Variants in ARMC2 observed in about 807,000 individuals in gnomAD.
ARMC2 encodes the protein armadillo repeat containing 2, also known as armadillo repeat-containing protein 2.
A neutral mutation model predicts 90.3 loss-of-function variants in ARMC2; 67 were observed. The observed-to-expected ratio is 0.74, with a 90% CI of 0.61 to 0.91. The LOEUF is 0.91. ARMC2 is among the 40% of genes least tolerant of loss of function. ARMC2 has a pLI of 0.00. For synonymous variants in ARMC2, 393 were observed against 393.0 expected, an observed-to-expected ratio of 1.00 and a Z score of 0.00; for missense variants, 920 against 1,030.9, an observed-to-expected ratio of 0.89 and a Z score of 1.47.
At chr6:108,999,937 G>C in the ARMC2 span, 1 of 152,118 alleles carries the variant, frequency 6.6e-6, no homozygotes, top group Admixed American at 6.6e-5. Context: ...CTATACAATA[G>C]AGAATTATTC....
chr6:109,020,785 A>T, the ARMC2 span, among the ~76,000 whole-genome samples: 2 of 152,214 alleles, frequency 1.3e-5, no homozygotes, highest in East Asian at 3.9e-4. Context: ...ACAATAGTTA[A>T]CAGTTTTCTT....
chr6:108,910,975 C>A lies in ARMC2; in HGVS notation c.1100C>A (p.Ser367Tyr), dbSNP rs1357058858. The A allele has an allele frequency of 6.3e-7, 1 of 1,581,932 alleles. No homozygotes were observed. The highest frequency in any genetic ancestry group is 8.6e-7 in the Non-Finnish European group (1 of 1,163,468). Reference protein sequence around the residue: ...FKISRNEKNDSLIQNDSILES... With the variant: ...FKISRNEKNDYLIQNDSILES... ...ATTAGCAGGAATGAGAAGAATGATT[C>A]TTTGATTCAAAATGACAGCATTCTG... The change falls in exon 9 of 18, where the codon TCT becomes TAT. Residue 367 changes from serine (S) to tyrosine (Y), a missense_variant. Physicochemically the swap from Ser to Tyr is moderately radical, Grantham distance 144. Transcript: ENST00000392644.
In ARMC2 at chr6:108,899,757, C is replaced by T. The variant is rs1159929548; in HGVS notation, c.812C>T (p.Thr271Ile). ...EIEVDEVFWN[T>I]RIVPILRELE... The stretch of plus-strand genomic sequence containing the variant: ...GAAGTAGACGAAGTCTTTTGGAATA[C>T]AAGGATTGTACCGATTTTGCGTGAA... Residue 271 changes from threonine (T) to isoleucine (I), a missense_variant, in exon 7 of 18, where the codon ACA (threonine) becomes ATA (isoleucine). By Grantham distance (89) the Thr-to-Ile change is moderately conservative (BLOSUM62 -1). Transcript: ENST00000392644. The T allele has an allele frequency of 1.2e-6, 2 of 1,613,260 alleles. No individual in the cohort carries two copies. Among genetic ancestry groups the T allele is most frequent in the African/African-American group, 1.3e-5 (1 of 74,800 alleles).
chr6:108,992,772 A>G, the ARMC2 span: 4 of 1,496,638 alleles, frequency 2.7e-6, no homozygotes, highest in Non-Finnish European at 3.7e-6. Context: ...ATGTGCATAC[A>G]AGTTGCAATT....
At position 108,932,516 on chromosome 6, in the gene ARMC2, C is replaced by CTTTTTTTTTTTT. The variant is rs60000198; in HGVS notation, c.1496+4299_1496+4310dup. On this transcript the variant is annotated intron_variant, in intron 11 of 17. Coordinates refer to ENST00000392644, the MANE Select transcript of ARMC2 (RefSeq NM_032131.6). The stretch of plus-strand genomic sequence containing the variant: ...TAAACAGTGAGTCTTTTCTCCATTG[C>CTTTTTTTTTTTT]TTTTTTTTTTTTTTTTTTTTTTTTT... Among the ~76,000 whole-genome samples the CTTTTTTTTTTTT allele has an allele frequency of 2.6e-4, 20 of 77,908 alleles. 2 individuals are homozygous for CTTTTTTTTTTTT. The highest frequency in any genetic ancestry group is 2.0e-3 in the East Asian group (4 of 1,970). The allele number at this position is 77,908 out of a possible 152,430, so 51.1% of individuals were successfully genotyped here.
chr6:108,964,341 C>T (rs141243495), intron 16 of ARMC2, 29 bp downstream of exon 16: 2 of 1,604,612 alleles, frequency 1.2e-6, no homozygotes, highest in Non-Finnish European at 1.7e-6. Flanking sequence ...AGTACTGACT[C>T]TCTCAGGATT....
chr6:108,987,598 C>G, the ARMC2 span: 1 of 1,603,554 alleles, frequency 6.2e-7, no homozygotes, highest in Non-Finnish European at 8.5e-7. Flanking sequence ...CTGCTTGCAT[C>G]CTAGCTTCTA....
At chr6:109,017,411 A>G in the ARMC2 span, among the ~76,000 whole-genome samples, 19 of 152,064 alleles carry the variant, frequency 1.2e-4, no homozygotes, top group African/African-American at 4.6e-4. Flanking sequence ...TCAGCCTCCC[A>G]AGCAGCTGGG....
chr6:109,009,694 C>G, the ARMC2 span: 1 of 379,932 alleles, frequency 2.6e-6, no homozygotes, highest in African/African-American at 2.2e-5. Context: ...AGGCTGGGAA[C>G]TGGCGGTCTG....
At chr6:108,962,542 T>C (rs1778071587) in intron 15 of ARMC2, among the ~76,000 whole-genome samples, 1 of 152,230 alleles carries the variant, frequency 6.6e-6, no homozygotes, top group Non-Finnish European at 1.5e-5. Flanking sequence ...AAATGTTCTC[T>C]AGCATTTAAA....
At chr6:108,909,786 A>T (rs1275292666) in intron 8 of ARMC2, among the ~76,000 whole-genome samples, 1 of 152,128 alleles carries the variant, frequency 6.6e-6, no homozygotes, top group African/African-American at 2.4e-5. Context: ...CACCAGCCTC[A>T]GCCTCCCAAA....
At chr6:108,900,370 C>G (rs1285172399) in intron 7 of ARMC2, among the ~76,000 whole-genome samples, 4 of 151,960 alleles carry the variant, frequency 2.6e-5, no homozygotes, top group Non-Finnish European at 4.4e-5. Flanking sequence ...GTAGGGAAAG[C>G]GTGTCATGGG....
At chr6:108,873,835 G>A (rs2128435448) in intron 4 of ARMC2, among the ~76,000 whole-genome samples, 1 of 152,094 alleles carries the variant, frequency 6.6e-6, no homozygotes, top group Non-Finnish European at 1.5e-5. Context: ...CACTCTCTCT[G>A]CCCCCTCCTT....
At chr6:108,855,440 A>G (rs1275242303) in intron 2 of ARMC2, among the ~76,000 whole-genome samples, 1 of 151,560 alleles carries the variant, frequency 6.6e-6, no homozygotes, top group East Asian at 1.9e-4. Context: ...TTTAGTAGAG[A>G]CGGGGTTTCA....
chr6:109,001,443 C>T, the ARMC2 span: 116 of 1,613,542 alleles, frequency 7.2e-5, no homozygotes, highest in Non-Finnish European at 9.2e-5. Flanking sequence ...AAAGAATCTG[C>T]AAATAAAGCA....
downstream of ARMC2, among the ~76,000 whole-genome samples, chr6:108,975,095 T>G (rs1778959287): frequency 6.6e-6 from 1 of 152,000 alleles, no homozygotes; most frequent in Non-Finnish European, 1.5e-5. Context: ...CCGTAGTGGT[T>G]TGTTGCACCC....
intron 11 of ARMC2, among the ~76,000 whole-genome samples, chr6:108,929,034 G>A (rs1263898325): frequency 4.6e-5 from 7 of 152,028 alleles, no homozygotes; most frequent in South Asian, 2.1e-4. Flanking sequence ...GGTTTGTTAC[G>A]TGGGTAAATT....
intron 9 of ARMC2, 32 bp from the exon 10 acceptor site, chr6:108,912,303 C>T (rs1377266467): frequency 1.3e-6 from 2 of 1,481,602 alleles, no homozygotes; most frequent in Non-Finnish European, 1.9e-6. Context: ...CTGTTATACT[C>T]AGACATTTAT....
chr6:109,043,743 A>G, the ARMC2 span, among the ~76,000 whole-genome samples: 1 of 152,212 alleles, frequency 6.6e-6, no homozygotes, highest in Non-Finnish European at 1.5e-5. Flanking sequence ...ATAGATTGGA[A>G]GACTCAATAC....
Sources: gnomAD v4.1 joint callset for allele counts (sites outside exome capture counted in the v4.1 genomes callset) on GRCh38, gnomAD v4.1.1 for gene constraint, MANE v1.5 for transcripts, NCBI Gene and HGNC (gene_info 2026-07-23, HGNC 2026-07-21) for gene names.